Variants in KAT6A observed in about 807,000 individuals in gnomAD.
KAT6A encodes lysine acetyltransferase 6A.
Under a neutral mutation model 198.4 loss-of-function variants are expected in KAT6A, and 9 were observed. That is an observed-to-expected ratio of 0.05 (90% CI 0.03 to 0.08). The LOEUF is 0.08. Ranked by LOEUF, KAT6A falls within the 10% of genes least tolerant of loss-of-function variation. The pLI, the probability that KAT6A is intolerant of heterozygous loss-of-function variation, is 1.00. For synonymous variants in KAT6A, 890 were observed against 883.0 expected (o/e 1.01, Z -0.14); for missense variants, 2,077 against 2,509.9 (o/e 0.83, Z 3.69).
At chr8:41,939,406 C>G (rs953210412) in intron 15 of KAT6A, among the ~76,000 whole-genome samples, 1 of 152,140 alleles carries the variant, frequency 6.6e-6, no homozygotes, top group African/African-American at 2.4e-5. Context: ...CTTGCTATGT[C>G]ACGCAGGTTG....
chr8:41,934,233 T>C lies in KAT6A; in HGVS notation c.3987A>G (p.Lys1329=), dbSNP rs1306059289. The change falls in exon 17 of 17, where the codon AAA becomes AAG. Residue 1329 remains lysine, a synonymous_variant. Coordinates refer to ENST00000265713, the MANE Select transcript of KAT6A (RefSeq NM_006766.5). ...EDDGHLESTK[K]KELEEQPTRE... The stretch of plus-strand genomic sequence containing the variant: ...TCGTGGGCTGTTCCTCTAGCTCCTT[T>C]TTCTTTGTGGACTCCAGGTGGCCAT... 6.2e-7 allele frequency: 1 copy of C among 1,614,146 alleles called. No individual in the cohort carries two copies. Among genetic ancestry groups the C allele is most frequent in the East Asian group, 2.2e-5 (1 of 44,874 alleles).
intron 15 of KAT6A, among the ~76,000 whole-genome samples, chr8:41,938,091 A>C (rs1821939119): frequency 6.6e-6 from 1 of 152,248 alleles, no homozygotes; most frequent in African/African-American, 2.4e-5. Context: ...CAAAAGTAAA[A>C]TAAATCTGTT....
chr8:42,041,361 T>C (rs1414961921), intron 2 of KAT6A, among the ~76,000 whole-genome samples: 15 of 152,220 alleles, frequency 9.9e-5, no homozygotes. Flanking sequence ...AATGACTTGT[T>C]AGTAACAAAT....
intron 3 of KAT6A, among the ~76,000 whole-genome samples, chr8:41,986,442 G>C (rs1824607659): frequency 6.6e-6 from 1 of 152,034 alleles, no homozygotes; most frequent in African/African-American, 2.4e-5. Context: ...TCAAGCCTGA[G>C]GCATAAATCA....
rs1433105913 is a variant in KAT6A at position 42,039,289 on chromosome 8, A to T, written c.600+9089T>A. On this transcript the variant is annotated intron_variant, in intron 2 of 16. Transcript: ENST00000265713. ...ATTCCTATACATAAATCAGAGCATGAAAAGTATTCATTATTATAATTTTAA... is the reference window on the plus strand; with the variant it reads ...ATTCCTATACATAAATCAGAGCATGTAAAGTATTCATTATTATAATTTTAA... Among the ~76,000 whole-genome samples, 53 of 152,228 alleles carry T rather than the reference A, an allele frequency of 3.5e-4. 2 individuals carry two copies. The highest frequency in any genetic ancestry group is 3.5e-3 in the Admixed American group (53 of 15,286).
intron 2 of KAT6A, among the ~76,000 whole-genome samples, chr8:42,036,126 T>C (rs1157598025): frequency 6.6e-6 from 1 of 152,048 alleles, no homozygotes; most frequent in Non-Finnish European, 1.5e-5. Context: ...CAGATTCCAT[T>C]ATCTCTATGA....
At chr8:41,977,657 T>C (rs1824128575) in intron 6 of KAT6A, among the ~76,000 whole-genome samples, 1 of 152,098 alleles carries the variant, frequency 6.6e-6, no homozygotes, top group Non-Finnish European at 1.5e-5. Context: ...ATCTGTAAAA[T>C]GAGAACTGGA....
rs1400060117 is a variant in KAT6A, at chr8:41,959,696, C to T, written c.1483-4285G>A. 3.3e-5 allele frequency among the ~76,000 whole-genome samples: 5 copies of T among 152,302 alleles called. No homozygotes were observed. In the East Asian group the frequency reaches 5.8e-4, roughly 18 times the overall value. On this transcript the variant is annotated intron_variant, in intron 8 of 16. Coordinates refer to ENST00000265713, the MANE Select transcript of KAT6A (RefSeq NM_006766.5). ...GCAATGGTTGGGCGCTGGTGGCTCA[C>T]GCCTGTAATCCCAGCACTCTGGGAG...
chr8:41,981,988 A>T (rs1824377176), intron 3 of KAT6A, 34 bp from the exon 4 acceptor site: 1 of 1,247,426 alleles, frequency 8.0e-7, no homozygotes, highest in Non-Finnish European at 1.2e-6. Context: ...GAATGAAACA[A>T]TCAAGAACTA....
chr8:41,954,213 A>C (rs1254652140), intron 9 of KAT6A, among the ~76,000 whole-genome samples: 2 of 152,260 alleles, frequency 1.3e-5, no homozygotes, highest in African/African-American at 2.4e-5. Context: ...TATGGAAAGA[A>C]AAAGTAAAAA....
Position 41,930,952 on chromosome 8 carries a change from A to G in KAT6A, c.*1253T>C. The G allele has an allele frequency of 4.8e-6, 1 of 210,056 alleles. No individual in the cohort carries two copies. The highest frequency in any genetic ancestry group is 2.3e-5 in the African/African-American group (1 of 43,818). The allele number at this position is 210,056 out of a possible 1,614,324, so 13.0% of individuals were successfully genotyped here. On this transcript the variant is annotated 3_prime_UTR_variant, in exon 17 of 17. Coordinates refer to ENST00000265713, the MANE Select transcript of KAT6A (RefSeq NM_006766.5). ...GAGGTGCTTGTGCACTCTGATTCAC[A>G]GGGGATGAACTCAGGATCTCAAAAG... is the stretch of plus-strand genomic sequence containing the variant.
intron 9 of KAT6A, among the ~76,000 whole-genome samples, chr8:41,951,414 A>G (rs1822662857): frequency 6.6e-6 from 1 of 152,216 alleles, no homozygotes; most frequent in Non-Finnish European, 1.5e-5. Flanking sequence ...GTTCTCTCAC[A>G]GAAAAAAAAG....
chr8:41,953,797 A>G (rs532615219), intron 9 of KAT6A, among the ~76,000 whole-genome samples: 3 of 152,276 alleles, frequency 2.0e-5, no homozygotes, highest in African/African-American at 7.2e-5. Flanking sequence ...GATCTTGGCT[A>G]TTCAGAATTC....
chr8:41,932,094 A>T lies in KAT6A; in HGVS notation c.*111T>A. The T allele has an allele frequency of 9.6e-7, 1 of 1,037,602 alleles. No homozygotes were observed. Among genetic ancestry groups the T allele is most frequent in the Non-Finnish European group, 1.3e-6 (1 of 792,058 alleles). 64.3% of individuals were successfully genotyped at this position (1,037,602 alleles called of 1,614,324 possible). ...AATAAACCAAAGAAAAATTCCTCTA[A>T]ATCTACAGCAATATTTTAACTGGAA... On this transcript the variant is annotated 3_prime_UTR_variant, in exon 17 of 17. Coordinates refer to ENST00000265713, the MANE Select transcript of KAT6A (RefSeq NM_006766.5).
Position 41,940,838 on chromosome 8 carries a change from T to C in KAT6A, c.3039+4A>G. The C allele has an allele frequency of 6.2e-7, 1 of 1,602,552 alleles. No individual in the cohort carries two copies. Among genetic ancestry groups the C allele is most frequent in the Non-Finnish European group, 8.5e-7 (1 of 1,175,958 alleles). Reference sequence around the variant, plus strand: ...AAGAGAAGACCTGGAAAGAAATGCGTTACCTTTCGCTTCAGCGTGGGCTTT... The same window carrying C: ...AAGAGAAGACCTGGAAAGAAATGCGCTACCTTTCGCTTCAGCGTGGGCTTT... On this transcript the variant is annotated splice_donor_region_variant and intron_variant, in intron 15 of 16. Coordinates refer to ENST00000265713, the MANE Select transcript of KAT6A (RefSeq NM_006766.5).
At chr8:41,987,588 C>A in intron 2 of KAT6A, 25 bp from the exon 3 acceptor site, 1 of 1,285,800 alleles carries the variant, frequency 7.8e-7, no homozygotes, top group Non-Finnish European at 1.1e-6. Flanking sequence ...ACAATTCATT[C>A]CAGTACTAAT....
chr8:42,003,577 C>T (rs1418023218), intron 2 of KAT6A, among the ~76,000 whole-genome samples: 2 of 151,810 alleles, frequency 1.3e-5, no homozygotes, highest in Non-Finnish European at 2.9e-5. Flanking sequence ...CCCTATACAT[C>T]ATTTTCTTTA....
At chr8:41,990,889 G>T (rs1284100802) in intron 2 of KAT6A, among the ~76,000 whole-genome samples, 1 of 151,836 alleles carries the variant, frequency 6.6e-6, no homozygotes, top group East Asian at 1.9e-4. Flanking sequence ...CAGCTAGTCA[G>T]GAGGCTGAGG....
intron 9 of KAT6A, among the ~76,000 whole-genome samples, chr8:41,950,539 T>C (rs1214308861): frequency 7.2e-5 from 11 of 152,202 alleles, no homozygotes. Context: ...AGCATGAAGA[T>C]ACAGAAGTAA....
Sources: gnomAD v4.1 joint callset for allele counts (sites outside exome capture counted in the v4.1 genomes callset) on GRCh38, gnomAD v4.1.1 for gene constraint, MANE v1.5 for transcripts, NCBI Gene and HGNC (gene_info 2026-07-23, HGNC 2026-07-21) for gene names.